Variants in ZER1 observed in about 807,000 individuals in gnomAD.
ZER1 encodes zyg-11 related cell cycle regulator.
In ZER1, 11 loss-of-function variants were observed where a neutral mutation model predicts 78.8. The observed-to-expected ratio is 0.14, with a 90% CI of 0.09 to 0.23. The LOEUF (loss-of-function observed/expected upper bound fraction) is 0.23, where lower values mean the gene tolerates loss of function less well. Among genes scored for constraint, ZER1 ranks in the 10% least tolerant of loss-of-function variants. ZER1 has a pLI of 1.00. For missense variants in ZER1, 588 were observed against 996.9 expected (o/e 0.59, Z 5.52); for synonymous variants, 400 against 407.0 (o/e 0.98, Z 0.21).
At chr9:128,752,546 C>T (rs924531400) in intron 5 of ZER1, 127 bp downstream of exon 5, 2 of 1,063,166 alleles carry the variant, frequency 1.9e-6, no homozygotes, top group Non-Finnish European at 2.6e-6. Context: ...GTCTCTAACT[C>T]CTGGCCTCAA....
At chr9:128,734,217 G>A in intron 14 of ZER1, among the ~76,000 whole-genome samples, 1 of 115,660 alleles carries the variant, frequency 8.6e-6, no homozygotes, top group Non-Finnish European at 1.8e-5. Context: ...TTTTTTTTGA[G>A]ACAGAGTCTC....
chr9:128,756,204 T>C (rs1351189800), intron 1 of ZER1, among the ~76,000 whole-genome samples: 5 of 152,166 alleles, frequency 3.3e-5, no homozygotes, highest in African/African-American at 1.2e-4. Context: ...TCCCAGAACT[T>C]TGAGAGGCCG....
At chr9:128,747,876 T>C (rs770864583) in intron 8 of ZER1, among the ~76,000 whole-genome samples, 7 of 152,166 alleles carry the variant, frequency 4.6e-5, no homozygotes, top group Non-Finnish European at 1.0e-4. Flanking sequence ...TCCTCGGCCC[T>C]CCAAAGTGCT....
chr9:128,733,663 T>A, intron 14 of ZER1, 135 bp from the exon 15 acceptor site: 1 of 723,292 alleles, frequency 1.4e-6, no homozygotes, highest in Non-Finnish European at 2.3e-6. Flanking sequence ...GGGGCAGTGC[T>A]AGAAATGGGG....
chr9:128,741,738 G>T, intron 10 of ZER1, 62 bp downstream of exon 10: 12 of 1,614,040 alleles, frequency 7.4e-6, no homozygotes, highest in South Asian at 1.1e-5. Flanking sequence ...TCCCCCAGGG[G>T]CAGCCCAGGC....
chr9:128,757,433 G>T (rs1190295165), intron 1 of ZER1, among the ~76,000 whole-genome samples: 2 of 151,748 alleles, frequency 1.3e-5, no homozygotes, highest in Admixed American at 1.3e-4. Flanking sequence ...GAGGTGGGAG[G>T]ATCACCTGAG....
intron 1 of ZER1, among the ~76,000 whole-genome samples, chr9:128,766,942 T>TTTG (rs1864231176): frequency 8.2e-6 from 1 of 122,328 alleles, no homozygotes. Flanking sequence ...TTATTTATTT[T>TTTG]TCTTTCTTTT....
chr9:128,769,197 T>C (rs76179470), intron 1 of ZER1, among the ~76,000 whole-genome samples: 2,613 of 152,246 alleles, frequency 0.017, 50 homozygotes, highest in East Asian at 0.079. Context: ...CAAATCCTAC[T>C]AGTTGATGGA....
At chr9:128,742,790 T>C (rs767412601) in intron 8 of ZER1, 45 bp from the exon 9 acceptor site, 2 of 1,549,208 alleles carry the variant, frequency 1.3e-6, no homozygotes, top group Non-Finnish European at 1.7e-6. Flanking sequence ...AGGGTCAGAC[T>C]CAGGAGCAGG....
rs1289340223 is a variant in ZER1, at chr9:128,759,868, G to T, written c.-94-4209C>A. Among the ~76,000 whole-genome samples the T allele has an allele frequency of 8.5e-5, 13 of 152,066 alleles. No individual in the cohort carries two copies. In the East Asian group the frequency reaches 2.3e-3, roughly 27 times the overall value. ...TCTTTCCTTATGTATGTATTTTTTTGTTTGTTTGTTTGGTTGGTTGTTTTT... is the reference window on the plus strand; with the variant it reads ...TCTTTCCTTATGTATGTATTTTTTTTTTTGTTTGTTTGGTTGGTTGTTTTT... On this transcript the variant is annotated intron_variant, in intron 1 of 15. Transcript: ENST00000291900.
chr9:128,768,249 A>G (rs1190505963), intron 1 of ZER1, among the ~76,000 whole-genome samples: 3 of 152,196 alleles, frequency 2.0e-5, no homozygotes, highest in Non-Finnish European at 4.4e-5. Flanking sequence ...CAGATGAGGT[A>G]CTGAAGCCAA....
chr9:128,747,556 A>G (rs1030976893), intron 8 of ZER1, among the ~76,000 whole-genome samples: 3 of 152,182 alleles, frequency 2.0e-5, no homozygotes, highest in Non-Finnish European at 2.9e-5. Flanking sequence ...GCTCTATTTA[A>G]TACATTCTTG....
At chr9:128,748,188 G>T (rs571685303) in intron 8 of ZER1, among the ~76,000 whole-genome samples, 184 of 152,178 alleles carry the variant, frequency 1.2e-3, no homozygotes, top group African/African-American at 4.2e-3. Context: ...GGCGGATCAT[G>T]AGGTCAGGAG....
rs1863270616 is a variant in ZER1, at chr9:128,740,957, A to C, written c.1738-70T>G. On this transcript the variant is annotated intron_variant, in intron 11 of 15. Transcript: ENST00000291900. The surrounding 1 kb of genome is among the most constrained non-coding windows in gnomAD (Gnocchi z 4.4). ...GACTTAGTATCTGGTATTGTTAACC[A>C]AAAAGCTTCATGGGCATCTGGCCAT... 4.0e-6 allele frequency: 3 copies of C among 751,074 alleles called. No individual in the cohort carries two copies. In the East Asian group the frequency reaches 7.4e-5, roughly 18 times the overall value. 46.5% of individuals were successfully genotyped at this position (751,074 alleles called of 1,614,324 possible).
At position 128,735,760 on chromosome 9, in the gene ZER1, G is replaced by GTTTTTTTTTTTTTTTTTTTTTTT. The variant is rs779646793; in HGVS notation, c.2043-330_2043-329insAAAAAAAAAAAAAAAAAAAAAAA. ...CTGGGAACAGAAGCACGTGTGACCT[G>GTTTTTTTTTTTTTTTTTTTTTTT]GTTTTTTTTTTTTTTTTTTTTTTTT... On this transcript the variant is annotated intron_variant, in intron 13 of 15. Transcript: ENST00000291900. Among the ~76,000 whole-genome samples the GTTTTTTTTTTTTTTTTTTTTTTT allele has an allele frequency of 7.4e-4, 12 of 16,176 alleles. 6 individuals are homozygous for GTTTTTTTTTTTTTTTTTTTTTTT. Among genetic ancestry groups the GTTTTTTTTTTTTTTTTTTTTTTT allele is most frequent in the African/African-American group, 6.6e-4 (4 of 6,048 alleles). The allele number at this position is 16,176 out of a possible 152,430, so 10.6% of individuals were successfully genotyped here. A position where few individuals can be genotyped will look rare whatever the true frequency, so the allele number is the denominator to read the frequency against.
chr9:128,751,016 G>T lies in ZER1; in HGVS notation c.1185+106C>A. On this transcript the variant is annotated intron_variant, in intron 7 of 15. Transcript: ENST00000291900. This position sits in a 1 kb window ranked among gnomAD's most constrained non-coding sequence, Gnocchi z 5.4. ...TGGGGTTCGGGTCCTGGGGCCCTGG[G>T]GACAGGGTGCAGAAGGACACAGGCT... 1.4e-6 allele frequency: 2 copies of T among 1,470,732 alleles called. No homozygotes were observed. Among genetic ancestry groups the T allele is most frequent in the Non-Finnish European group, 9.0e-7 (1 of 1,110,158 alleles). 91.1% of individuals were successfully genotyped at this position (1,470,732 alleles called of 1,614,324 possible).
intron 14 of ZER1, 101 bp from the exon 15 acceptor site, chr9:128,733,629 G>T: frequency 9.2e-7 from 1 of 1,084,066 alleles, no homozygotes; most frequent in Admixed American, 2.1e-5. Context: ...TGGTGTCGGG[G>T]GTGTGAAGGC....
chr9:128,771,072 G>A (rs1864368122), intron 1 of ZER1, among the ~76,000 whole-genome samples: 1 of 152,164 alleles, frequency 6.6e-6, no homozygotes, highest in South Asian at 2.1e-4. Context: ...TGGAAATCTT[G>A]GGCTCTTTCG....
At chr9:128,770,496 A>G (rs1564414992) in intron 1 of ZER1, among the ~76,000 whole-genome samples, 1 of 152,174 alleles carries the variant, frequency 6.6e-6, no homozygotes, top group African/African-American at 2.4e-5. Flanking sequence ...CCACAAGAGA[A>G]CTACCTGGCT....
Sources: allele counts gnomAD v4.1 joint callset (sites outside exome capture counted in the v4.1 genomes callset), GRCh38; gene constraint gnomAD v4.1.1; non-coding constraint Gnocchi (gnomAD v3.1); transcripts MANE v1.5; gene names NCBI Gene and HGNC (gene_info 2026-07-23, HGNC 2026-07-21).